The following ANKRD23 variants were observed in gnomAD, a reference collection of about 807,000 sequenced individuals.
ANKRD23 encodes ankyrin repeat domain 23.
Under a neutral mutation model 38.1 loss-of-function variants are expected in ANKRD23, and 52 were observed. The ratio of observed to expected loss-of-function variants is 1.36; its 90% CI spans 1.09 to 1.72. The LOEUF (loss-of-function observed/expected upper bound fraction) is 1.72, where lower values mean the gene tolerates loss of function less well. ANKRD23 is among the 40% of genes most tolerant of loss of function. The pLI is 0.00. For missense variants in ANKRD23, 416 were observed against 400.2 expected (o/e 1.04, Z -0.34); for synonymous variants, 167 against 162.9 (o/e 1.03, Z -0.19).
At chr2:96,841,056 A>C in intron 3 of ANKRD23, 144 bp from the exon 4 acceptor site, 1 of 958,022 alleles carries the variant, frequency 1.0e-6, no homozygotes, top group Non-Finnish European at 1.5e-6. Context: ...TCTTATTCTA[A>C]TCCCACGCCA....
chr2:96,839,389 C>A lies in ANKRD23; in HGVS notation c.*160G>T. ...GGCCTCTCTCTTTGCCTGCTGGGCC[C>A]GGTGCCGCTCTTCAGTTCTGCCAGG... On this transcript the variant is annotated 3_prime_UTR_variant, in exon 9 of 9. Coordinates refer to ENST00000318357, the MANE Select transcript of ANKRD23 (RefSeq NM_144994.8). The A allele has an allele frequency of 7.9e-7, 1 of 1,268,390 alleles. No individual in the cohort carries two copies. The highest frequency in any genetic ancestry group is 9.9e-7 in the Non-Finnish European group (1 of 1,010,322). 78.6% of individuals were successfully genotyped at this position (1,268,390 alleles called of 1,614,324 possible). A position where few individuals can be genotyped will look rare whatever the true frequency, so the allele number is the denominator to read the frequency against.
In ANKRD23 at chr2:96,843,927, G is replaced by A. The variant is rs138866384; in HGVS notation, c.27+39C>T. The A allele has an allele frequency of 7.4e-5, 118 of 1,593,280 alleles. No homozygotes were observed. In the East Asian group the frequency reaches 1.6e-3, roughly 21 times the overall value. On this transcript the variant is annotated intron_variant, in intron 1 of 8. Coordinates refer to ENST00000318357, the MANE Select transcript of ANKRD23 (RefSeq NM_144994.8). ...CTAGCCAGCCTCCTCCTATCAAGCCGGTCCCAGGGTGCCTCCCACCTCCGT... is the reference window on the plus strand; with the variant it reads ...CTAGCCAGCCTCCTCCTATCAAGCCAGTCCCAGGGTGCCTCCCACCTCCGT...
rs1574129556 is a variant in ANKRD23 at position 96,842,047 on chromosome 2, A to C, written c.300+13T>G. The C allele has an allele frequency of 6.2e-7, 1 of 1,612,826 alleles. No homozygotes were observed. Among genetic ancestry groups the C allele is most frequent in the South Asian group, 1.1e-5 (1 of 91,002 alleles). On this transcript the variant is annotated intron_variant, in intron 3 of 8. Transcript: ENST00000318357. The stretch of plus-strand genomic sequence containing the variant: ...TGGTGTGTGCACTGCCCTAACCCCG[A>C]CCTCCCACTCACCTTAACCAGGGGC...
chr2:96,839,400 T>G lies in ANKRD23; in HGVS notation c.*149A>C, dbSNP rs1307123909. ...TTGCCTGCTGGGCCCGGTGCCGCTC[T>G]TCAGTTCTGCCAGGGCTGCTGAGGC... On this transcript the variant is annotated 3_prime_UTR_variant, in exon 9 of 9. Transcript: ENST00000318357. 7.8e-7 allele frequency: 1 copy of G among 1,275,246 alleles called. No homozygotes were observed. Among genetic ancestry groups the G allele is most frequent in the African/African-American group, 1.5e-5 (1 of 64,578 alleles). 79.0% of individuals were successfully genotyped at this position (1,275,246 alleles called of 1,614,324 possible).
chr2:96,839,697 G>A, intron 8 of ANKRD23, 30 bp downstream of exon 8: 1 of 1,605,840 alleles, frequency 6.2e-7, no homozygotes, highest in Admixed American at 1.7e-5. Flanking sequence ...CCGCCCTCGG[G>A]TCAGGAGCCA....
At position 96,840,813 on chromosome 2, in the gene ANKRD23, CGTCT is replaced by C; in HGVS notation, c.396_399del (p.Asp133GlufsTer20). On this transcript the variant is annotated frameshift_variant, in exon 4 of 9. Coordinates refer to ENST00000318357, the MANE Select transcript of ANKRD23 (RefSeq NM_144994.8). LOFTEE classifies it high-confidence loss of function. ...TTGTCATGGGCATTGGGGTCCCCTC[CGTCT>C]GTCAAGTACTTGTCAATCAGGTACT... 6.2e-7 allele frequency: 1 copy of C among 1,614,202 alleles called. No homozygotes were observed. The highest frequency in any genetic ancestry group is 8.5e-7 in the Non-Finnish European group (1 of 1,180,032).
rs2079732059 is a variant in ANKRD23 at position 96,839,491 on chromosome 2, C to T, written c.*58G>A. 1.4e-6 allele frequency: 2 copies of T among 1,396,618 alleles called. No homozygotes were observed. The highest frequency in any genetic ancestry group is 9.3e-7 in the Non-Finnish European group (1 of 1,081,062). 86.5% of individuals were successfully genotyped at this position (1,396,618 alleles called of 1,614,324 possible). ...AACCACAGAGGTGCAGACGCGGGGG[C>T]GGGGCACAGGATGGAATGGTGGCAG... On this transcript the variant is annotated 3_prime_UTR_variant, in exon 9 of 9. Transcript: ENST00000318357.
In ANKRD23 at chr2:96,840,058, C is replaced by T. The variant is rs1207996955; in HGVS notation, c.662G>A (p.Arg221Gln). The stretch of plus-strand genomic sequence containing the variant: ...GAGGTGCTCCAGGCAGTCGGGGTGC[C>T]GGGTGCGCACTGCCACGTGCAGGGG... ...STPLHVAVRT[R>Q]HPDCLEHLIE... Residue 221 changes from arginine to glutamine, a missense_variant, in exon 7 of 9, where the codon CGG (arginine) becomes CAG (glutamine). Physicochemically the swap from Arg to Gln is conservative, Grantham distance 43. Coordinates refer to ENST00000318357, the MANE Select transcript of ANKRD23 (RefSeq NM_144994.8). The T allele has an allele frequency of 7.0e-6, 11 of 1,562,050 alleles. No individual in the cohort carries two copies. Among genetic ancestry groups the T allele is most frequent in the Non-Finnish European group, 9.5e-6 (11 of 1,152,672 alleles).
chr2:96,843,666 G>T (rs1380373197), intron 1 of ANKRD23, among the ~76,000 whole-genome samples: 1 of 152,060 alleles, frequency 6.6e-6, no homozygotes, highest in Non-Finnish European at 1.5e-5. Flanking sequence ...CATGAGAACC[G>T]AGCAGACACA....
At position 96,842,402 on chromosome 2, in the gene ANKRD23, C is replaced by T. The variant is rs143372458; in HGVS notation, c.137G>A (p.Arg46Gln). The T allele has an allele frequency of 5.3e-3, 8,520 of 1,613,594 alleles. 38 individuals are homozygous for T. Among genetic ancestry groups the T allele is most frequent in the Middle Eastern group, 0.034 (207 of 6,060 alleles). Residue 46 changes from arginine to glutamine, a missense_variant, in exon 2 of 9, where the codon CGG (arginine) becomes CAG (glutamine). Arg to Gln is a conservative substitution (Grantham distance 43, BLOSUM62 1). Coordinates refer to ENST00000318357, the MANE Select transcript of ANKRD23 (RefSeq NM_144994.8). Reference protein sequence around the residue: ...WRRGPQEAVAREKLKLEEEKK... With the variant: ...WRRGPQEAVAQEKLKLEEEKK... ...CTCTTCTTCCAATTTCAGCTTCTCC[C>T]GGGCCACAGCCTCTTGGGGGCCCCT...
In ANKRD23 at chr2:96,840,407, C is replaced by T. The variant is rs1337151069; in HGVS notation, c.525+9G>A. 4 of 1,613,936 alleles carry T rather than the reference C, an allele frequency of 2.5e-6. No individual in the cohort carries two copies. The highest frequency in any genetic ancestry group is 3.4e-6 in the Non-Finnish European group (4 of 1,179,966). ...GTCGACCAGAGGCTGGGCCTTTCCC[C>T]ATCCTCACCAAGTCTCGCGCGTCCA... On this transcript the variant is annotated intron_variant, in intron 5 of 8. Transcript: ENST00000318357.
intron 2 of ANKRD23, 84 bp from the exon 3 acceptor site, chr2:96,842,269 T>C: frequency 6.2e-7 from 1 of 1,606,880 alleles, no homozygotes; most frequent in Non-Finnish European, 8.5e-7. Context: ...CACCAGCTGC[T>C]CAGGCTGCCC....
At position 96,839,375 on chromosome 2, in the gene ANKRD23, T is replaced by C. The variant is rs1055983620; in HGVS notation, c.*174A>G. The C allele has an allele frequency of 1.5e-5, 19 of 1,263,284 alleles. No individual in the cohort carries two copies. The East Asian group carries it at 3.1e-4, about 20-fold the overall frequency. 78.3% of individuals were successfully genotyped at this position (1,263,284 alleles called of 1,614,324 possible). On this transcript the variant is annotated 3_prime_UTR_variant, in exon 9 of 9. Transcript: ENST00000318357. ...CTCGAAGCCAGGGAGGCCTCTCTCT[T>C]TGCCTGCTGGGCCCGGTGCCGCTCT...
chr2:96,841,094 A>C lies in ANKRD23; in HGVS notation c.301-182T>G, dbSNP rs2079755358. ...AGATTGAATAGACTGTGTGTGTGTG[A>C]GCGTGTGTGTTATGGATTGACTTGT... On this transcript the variant is annotated intron_variant, in intron 3 of 8. Transcript: ENST00000318357. 4 of 684,122 alleles carry C rather than the reference A, an allele frequency of 5.8e-6. No individual in the cohort carries two copies. In the Admixed American group the frequency reaches 1.2e-4, roughly 21 times the overall value. 42.4% of individuals were successfully genotyped at this position (684,122 alleles called of 1,614,324 possible).
At position 96,843,953 on chromosome 2, in the gene ANKRD23, C is replaced by G; in HGVS notation, c.27+13G>C. 6.2e-7 allele frequency: 1 copy of G among 1,607,404 alleles called. No homozygotes were observed. Among genetic ancestry groups the G allele is most frequent in the Non-Finnish European group, 8.5e-7 (1 of 1,177,124 alleles). On this transcript the variant is annotated intron_variant, in intron 1 of 8. Coordinates refer to ENST00000318357, the MANE Select transcript of ANKRD23 (RefSeq NM_144994.8). The stretch of plus-strand genomic sequence containing the variant: ...GTCCCAGGGTGCCTCCCACCTCCGT[C>G]CCACATCCTTACCAACTGCTGAATG...
At chr2:96,842,005 C>T in intron 3 of ANKRD23, 55 bp downstream of exon 3, 3 of 1,611,156 alleles carry the variant, frequency 1.9e-6, no homozygotes, top group Non-Finnish European at 8.5e-7. Context: ...CAAGCCCTTC[C>T]TCTGGAACTG....
chr2:96,843,689 G>T (rs146105230), intron 1 of ANKRD23, among the ~76,000 whole-genome samples: 1 of 152,082 alleles, frequency 6.6e-6, no homozygotes, highest in Non-Finnish European at 1.5e-5. Context: ...AGAAAGAACC[G>T]CACGCTCAGC....
rs1211427859 is a variant in ANKRD23, at chr2:96,838,638, G to C, written c.*911C>G. 1 of 985,388 alleles carries C rather than the reference G, an allele frequency of 1.0e-6. No individual in the cohort carries two copies. Among genetic ancestry groups the C allele is most frequent in the Admixed American group, 6.1e-5 (1 of 16,266 alleles). 61.0% of individuals were successfully genotyped at this position (985,388 alleles called of 1,614,324 possible). The stretch of plus-strand genomic sequence containing the variant: ...GTACCAGGAACATAAGGGGACATAA[G>C]GGCCTCAGGCAAACTAGGGTTACGG... On this transcript the variant is annotated 3_prime_UTR_variant, in exon 9 of 9. Transcript: ENST00000318357.
In ANKRD23 at chr2:96,838,971, G is replaced by C. The variant is rs1344177028; in HGVS notation, c.*578C>G. On this transcript the variant is annotated 3_prime_UTR_variant, in exon 9 of 9. Transcript: ENST00000318357. The stretch of plus-strand genomic sequence containing the variant: ...TCTAGAGCCGCTCCGGACACTGCCA[G>C]GGTTGCTACTGACAGGAATGGGGTC... The C allele has an allele frequency of 1.0e-6, 1 of 985,784 alleles. No homozygotes were observed. Among genetic ancestry groups the C allele is most frequent in the Non-Finnish European group, 1.2e-6 (1 of 830,184 alleles). The allele number at this position is 985,784 out of a possible 1,614,324, so 61.1% of individuals were successfully genotyped here. A position where few individuals can be genotyped will look rare whatever the true frequency, so the allele number is the denominator to read the frequency against.
Sources: gnomAD v4.1 joint callset for allele counts (sites outside exome capture counted in the v4.1 genomes callset) on GRCh38, gnomAD v4.1.1 for gene constraint, MANE v1.5 for transcripts, NCBI Gene and HGNC (gene_info 2026-07-23, HGNC 2026-07-21) for gene names.